Variants in HDAC4 observed in about 807,000 individuals in gnomAD.
The protein encoded by HDAC4 is histone deacetylase A.
A neutral mutation model predicts 135.1 loss-of-function variants in HDAC4; 16 were observed. The ratio of observed to expected loss-of-function variants is 0.12; its 90% CI spans 0.08 to 0.18. HDAC4 has a LOEUF of 0.18. Among genes scored for constraint, HDAC4 ranks in the 10% least tolerant of loss-of-function variants. HDAC4 has a pLI of 1.00. For synonymous variants in HDAC4, 685 were observed against 653.4 expected (o/e 1.05, Z -0.74); for missense variants, 1,143 against 1,511.8 (o/e 0.76, Z 4.05).
At chr2:239,222,469 G>A (rs2047010695) in intron 3 of HDAC4, among the ~76,000 whole-genome samples, 1 of 149,632 alleles carries the variant, frequency 6.7e-6, no homozygotes, top group Non-Finnish European at 1.5e-5. Context: ...TGGTAAGTTG[G>A]CTTTCAAGAA....
intron 2 of HDAC4, among the ~76,000 whole-genome samples, chr2:239,323,210 T>C (rs747020326): frequency 4.6e-5 from 7 of 152,318 alleles, no homozygotes; most frequent in African/African-American, 1.2e-4. Flanking sequence ...AAAAATCCCA[T>C]TGCTGTTCTA....
intron 11 of HDAC4, 89 bp from the exon 12 acceptor site, chr2:239,126,783 T>G: frequency 7.2e-7 from 1 of 1,394,110 alleles, no homozygotes; most frequent in Non-Finnish European, 1.0e-6. Context: ...TGGAGACAAC[T>G]GCGCCCTGTG....
chr2:239,225,466 G>A (rs990293217), intron 3 of HDAC4, among the ~76,000 whole-genome samples: 3 of 152,344 alleles, frequency 2.0e-5, no homozygotes, highest in East Asian at 1.9e-4. Context: ...GTCGGTCTGC[G>A]GGAGAGTAAA....
intron 2 of HDAC4, among the ~76,000 whole-genome samples, chr2:239,334,064 A>C (rs1176044122): frequency 6.6e-6 from 1 of 152,190 alleles, no homozygotes; most frequent in Admixed American, 6.5e-5. Flanking sequence ...ATGCATTAAA[A>C]ACCCAAAAGA....
chr2:239,089,993 C>T lies in HDAC4; in HGVS notation c.2388+16G>A, dbSNP rs1442093017. 6.3e-7 allele frequency: 1 copy of T among 1,584,154 alleles called. No homozygotes were observed. The highest frequency in any genetic ancestry group is 8.7e-7 in the Non-Finnish European group (1 of 1,153,038). ...AGGCCTCCTGGAGGGCCACCACTGT[C>T]CAGGCCCCGACTGACCTTCAGCTCC... On this transcript the variant is annotated intron_variant, in intron 18 of 26. Coordinates refer to ENST00000543185, the MANE Select transcript of HDAC4 (RefSeq NM_001378414.1).
At chr2:239,093,540 G>T (rs1255575802) in intron 17 of HDAC4, among the ~76,000 whole-genome samples, 1 of 152,206 alleles carries the variant, frequency 6.6e-6, no homozygotes, top group Non-Finnish European at 1.5e-5. Flanking sequence ...AAAACAATGG[G>T]AAGAAAACAC....
intron 3 of HDAC4, among the ~76,000 whole-genome samples, chr2:239,211,014 T>C (rs1269045175): frequency 6.6e-6 from 1 of 152,192 alleles, no homozygotes; most frequent in East Asian, 1.9e-4. Flanking sequence ...AGAAGGTGGA[T>C]GCTGGCCTGT....
At chr2:239,390,935 G>A (rs1342119928) in intron 1 of HDAC4, among the ~76,000 whole-genome samples, 2 of 152,178 alleles carry the variant, frequency 1.3e-5, no homozygotes, top group African/African-American at 2.4e-5. Context: ...GAGGGAAAGC[G>A]GGGCAGCCTG....
intron 1 of HDAC4, among the ~76,000 whole-genome samples, chr2:239,399,527 G>A (rs1696795278): frequency 2.6e-5 from 4 of 152,106 alleles, no homozygotes; most frequent in Admixed American, 2.6e-4. Context: ...TAAAACTCCA[G>A]GCAACCACGA....
intron 2 of HDAC4, among the ~76,000 whole-genome samples, chr2:239,304,604 A>T (rs764731626): frequency 1.1e-4 from 17 of 152,178 alleles, no homozygotes; most frequent in Non-Finnish European, 2.9e-5. Flanking sequence ...TGACTGGTGA[A>T]AAAACCTCAC....
intron 2 of HDAC4, among the ~76,000 whole-genome samples, chr2:239,269,364 T>G (rs192029104): frequency 5.9e-5 from 9 of 152,108 alleles, no homozygotes; most frequent in African/African-American, 1.9e-4. Context: ...TACACGTGCA[T>G]GCATGCATGC....
chr2:239,129,115 C>T (rs987828163), intron 11 of HDAC4, among the ~76,000 whole-genome samples: 39 of 152,194 alleles, frequency 2.6e-4, no homozygotes, highest in African/African-American at 7.5e-4. Flanking sequence ...GCACTCCCCA[C>T]GGACCAGCCC....
intron 1 of HDAC4, among the ~76,000 whole-genome samples, chr2:239,377,302 G>A (rs771076373): frequency 1.3e-5 from 2 of 152,224 alleles, no homozygotes; most frequent in African/African-American, 2.4e-5. Flanking sequence ...GTCCACACAG[G>A]TGCTGGCTCA....
rs1184861758 is a variant in HDAC4 at position 239,089,295 on chromosome 2, CATT to C, written c.2388+711_2388+713del. Among the ~76,000 whole-genome samples, 4 of 152,164 alleles carry C rather than the reference CATT, an allele frequency of 2.6e-5. No individual in the cohort carries two copies. In the East Asian group the frequency reaches 7.7e-4, roughly 29 times the overall value. ...AACCAGCTGCTGTCCACAGGCAAGA[CATT>C]AGTGCTATTTTTATTTTTTTATTAC... On this transcript the variant is annotated intron_variant, in intron 18 of 26. Transcript: ENST00000543185.
chr2:239,380,891 G>C (rs117645261), intron 1 of HDAC4, among the ~76,000 whole-genome samples: 1 of 152,058 alleles, frequency 6.6e-6, no homozygotes, highest in African/African-American at 2.4e-5. Flanking sequence ...CGGTTTAAAC[G>C]TTCCCGTACA....
intron 17 of HDAC4, 191 bp downstream of exon 17, chr2:239,094,819 A>G: frequency 6.8e-7 from 1 of 1,465,924 alleles, no homozygotes; most frequent in East Asian, 2.7e-5. Flanking sequence ...TTCCCCAGAG[A>G]AAGGTGCCCG....
At chr2:239,362,500 G>A (rs1417221064) in intron 1 of HDAC4, among the ~76,000 whole-genome samples, 1 of 152,172 alleles carries the variant, frequency 6.6e-6, no homozygotes, top group Non-Finnish European at 1.5e-5. Flanking sequence ...ACAAAGAAAT[G>A]TGACAGTGTG....
chr2:239,132,285 T>G (rs972755676), intron 11 of HDAC4, among the ~76,000 whole-genome samples: 1 of 152,096 alleles, frequency 6.6e-6, no homozygotes, highest in African/African-American at 2.4e-5. Context: ...CCCAGGGTCA[T>G]GGAGCAGGAG....
At chr2:239,384,606 G>A (rs1436968861) in intron 1 of HDAC4, among the ~76,000 whole-genome samples, 1 of 152,070 alleles carries the variant, frequency 6.6e-6, no homozygotes, top group Non-Finnish European at 1.5e-5. Context: ...AACAGATCAA[G>A]GCTCTATCTC....
Sources: gnomAD v4.1 joint callset for allele counts (sites outside exome capture counted in the v4.1 genomes callset) on GRCh38, gnomAD v4.1.1 for gene constraint, MANE v1.5 for transcripts, NCBI Gene and HGNC (gene_info 2026-07-23, HGNC 2026-07-21) for gene names.